The following MAF variants were observed in gnomAD, a reference collection of about 807,000 sequenced individuals.
MAF encodes the protein MAF bZIP transcription factor.
MAF carries 10 observed loss-of-function variants against 22.0 expected under a neutral mutation model. That is an observed-to-expected ratio of 0.45 (90% CI 0.28 to 0.77). MAF has a LOEUF of 0.77. MAF is among the 30% of genes least tolerant of loss of function. The pLI, the probability that MAF is intolerant of heterozygous loss-of-function variation, is 0.12. For synonymous variants in MAF, 337 were observed against 255.8 expected, an observed-to-expected ratio of 1.32 and a Z score of -3.03; for missense variants, 544 against 548.4, an observed-to-expected ratio of 0.99 and a Z score of 0.08.
chr16:79,437,575 C>T, the MAF span, among the ~76,000 whole-genome samples: 1 of 152,054 alleles, frequency 6.6e-6, no homozygotes, highest in African/African-American at 2.4e-5. Flanking sequence ...CCCATGTAGT[C>T]CCCCAAGGAG....
chr16:79,316,677 C>G, the MAF span, among the ~76,000 whole-genome samples: 1 of 152,098 alleles, frequency 6.6e-6, no homozygotes, highest in Non-Finnish European at 1.5e-5. Context: ...AGAAATGTTA[C>G]TGGGGGAAGG....
At chr16:79,552,984 G>GA in the MAF span, among the ~76,000 whole-genome samples, 1 of 152,252 alleles carries the variant, frequency 6.6e-6, no homozygotes, top group East Asian at 1.9e-4. Context: ...AGGTAAAATT[G>GA]AAAAAACATG....
the MAF span, among the ~76,000 whole-genome samples, chr16:79,415,389 G>A: frequency 6.6e-6 from 1 of 152,104 alleles, no homozygotes; most frequent in African/African-American, 2.4e-5. Flanking sequence ...AGCAAGGAAG[G>A]GAGGGAAAGA....
the MAF span, among the ~76,000 whole-genome samples, chr16:79,367,951 C>T: frequency 1.1e-4 from 17 of 152,226 alleles, 1 homozygote; most frequent in Non-Finnish European, 2.2e-4. Context: ...AATGGCCAGA[C>T]ACTAGACCAG....
chr16:79,450,343 T>C, the MAF span, among the ~76,000 whole-genome samples: 11 of 152,346 alleles, frequency 7.2e-5, no homozygotes, highest in South Asian at 2.1e-3. Flanking sequence ...ATCAACAGAC[T>C]ACCACAAAAT....
At chr16:79,209,603 G>A in the MAF span, among the ~76,000 whole-genome samples, 2 of 152,114 alleles carry the variant, frequency 1.3e-5, no homozygotes, top group African/African-American at 4.8e-5. Flanking sequence ...TGGTCGTTTT[G>A]GCAGCTGCAA....
chr16:79,274,778 C>T, the MAF span, among the ~76,000 whole-genome samples: 1 of 152,098 alleles, frequency 6.6e-6, no homozygotes, highest in African/African-American at 2.4e-5. Flanking sequence ...TGCAAGGGGT[C>T]AAGGCTGTGA....
At chr16:79,311,455 C>T in the MAF span, among the ~76,000 whole-genome samples, 15 of 149,256 alleles carry the variant, frequency 1.0e-4, no homozygotes, top group African/African-American at 5.0e-5. Flanking sequence ...TGCAAATGGG[C>T]ATCACAGTTT....
the MAF span, among the ~76,000 whole-genome samples, chr16:79,462,306 G>A: frequency 1.1e-4 from 16 of 152,276 alleles, no homozygotes; most frequent in African/African-American, 3.9e-4. Flanking sequence ...AGGAAACTGA[G>A]GTCTAACCCA....
chr16:79,208,197 T>A, the MAF span, among the ~76,000 whole-genome samples: 2 of 152,320 alleles, frequency 1.3e-5, no homozygotes, highest in Middle Eastern at 3.4e-3. Flanking sequence ...TCACAAATGT[T>A]TGACTAGATC....
the MAF span, among the ~76,000 whole-genome samples, chr16:79,441,523 T>G: frequency 6.6e-6 from 1 of 152,258 alleles, no homozygotes; most frequent in East Asian, 1.9e-4. Flanking sequence ...TAATAAAATT[T>G]TACTTATGGA....
the MAF span, among the ~76,000 whole-genome samples, chr16:79,291,191 C>T: frequency 2.0e-5 from 3 of 152,194 alleles, no homozygotes; most frequent in African/African-American, 4.8e-5. Flanking sequence ...TCTCTTCCCT[C>T]TCCTACAGAG....
chr16:79,491,598 G>C, the MAF span, among the ~76,000 whole-genome samples: 15 of 152,098 alleles, frequency 9.9e-5, no homozygotes, highest in African/African-American at 3.4e-4. Flanking sequence ...TGGTAAATAA[G>C]CCTGGATTTG....
the MAF span, among the ~76,000 whole-genome samples, chr16:79,271,939 G>C: frequency 6.6e-6 from 1 of 152,192 alleles, no homozygotes; most frequent in African/African-American, 2.4e-5. Flanking sequence ...CAGCAAAACG[G>C]GGGCCCACAC....
At chr16:79,294,213 A>G in the MAF span, among the ~76,000 whole-genome samples, 1 of 152,240 alleles carries the variant, frequency 6.6e-6, no homozygotes, top group East Asian at 1.9e-4. Context: ...CTCCTGAGTC[A>G]TGCAATCCTT....
At chr16:79,301,763 A>G in the MAF span, among the ~76,000 whole-genome samples, 7 of 152,232 alleles carry the variant, frequency 4.6e-5, no homozygotes, top group Non-Finnish European at 5.9e-5. Context: ...TGTAGCCATC[A>G]TTGAGCACTT....
chr16:79,454,302 G>A, the MAF span, among the ~76,000 whole-genome samples: 1 of 152,128 alleles, frequency 6.6e-6, no homozygotes, highest in African/African-American at 2.4e-5. Flanking sequence ...ATAAATGGTG[G>A]GGCATCAGGG....
the MAF span, among the ~76,000 whole-genome samples, chr16:79,338,061 A>G: frequency 1.1e-3 from 169 of 152,342 alleles, no homozygotes; most frequent in African/African-American, 3.9e-3. Context: ...TGAGGAGCCC[A>G]TAGTCCAATG....
the MAF span, among the ~76,000 whole-genome samples, chr16:79,415,796 A>G: frequency 6.6e-6 from 1 of 151,742 alleles, no homozygotes; most frequent in Non-Finnish European, 1.5e-5. Flanking sequence ...TAGTTATTAA[A>G]AATCCCGGAG....
Sources: allele counts gnomAD v4.1 joint callset (sites outside exome capture counted in the v4.1 genomes callset), GRCh38; gene constraint gnomAD v4.1.1; transcripts MANE v1.5; gene names NCBI Gene and HGNC (gene_info 2026-07-23, HGNC 2026-07-21).